The following EEFSEC variants were observed in gnomAD, a reference collection of about 807,000 sequenced individuals.
EEFSEC encodes the protein selenocysteine-specific elongation factor.
In EEFSEC, 43 loss-of-function variants were observed where a neutral mutation model predicts 42.1. The ratio of observed to expected loss-of-function variants is 1.02; its 90% CI spans 0.80 to 1.32. The LOEUF (loss-of-function observed/expected upper bound fraction) is 1.32. Among genes scored for constraint, EEFSEC ranks in the 40% most tolerant of loss-of-function variants. The pLI, the probability that EEFSEC is intolerant of heterozygous loss-of-function variation, is 0.00. For synonymous variants in EEFSEC, 354 were observed against 339.1 expected, an observed-to-expected ratio of 1.04 and a Z score of -0.48; for missense variants, 745 against 803.6, an observed-to-expected ratio of 0.93 and a Z score of 0.88.
chr3:128,388,416 C>A (rs926270855), intron 6 of EEFSEC, among the ~76,000 whole-genome samples: 1 of 152,228 alleles, frequency 6.6e-6, no homozygotes, highest in Non-Finnish European at 1.5e-5. Context: ...GAACAGGGAA[C>A]AATCTGCCTG....
At chr3:128,372,017 C>A (rs2067660013) in intron 6 of EEFSEC, among the ~76,000 whole-genome samples, 1 of 152,194 alleles carries the variant, frequency 6.6e-6, no homozygotes, top group African/African-American at 2.4e-5. Flanking sequence ...TGCAACTTTT[C>A]TTTGGGAACT....
chr3:128,281,827 C>G (rs983950935), intron 4 of EEFSEC, among the ~76,000 whole-genome samples: 1 of 152,202 alleles, frequency 6.6e-6, no homozygotes, highest in Non-Finnish European at 1.5e-5. Flanking sequence ...GGCCTGGCGA[C>G]TTGCACTCTC....
chr3:128,390,274 GCT>G (rs2067892548), intron 6 of EEFSEC, among the ~76,000 whole-genome samples: 1 of 152,198 alleles, frequency 6.6e-6, no homozygotes, highest in Non-Finnish European at 1.5e-5. Flanking sequence ...TCACCTGTCC[GCT>G]CTGTTAATGT....
intron 2 of EEFSEC, 27 bp downstream of exon 2, chr3:128,247,070 C>T: frequency 1.2e-6 from 2 of 1,610,574 alleles, no homozygotes; most frequent in East Asian, 4.5e-5. Flanking sequence ...GAGCAATGTT[C>T]ACTGCATAAG....
intron 1 of EEFSEC, among the ~76,000 whole-genome samples, chr3:128,166,845 C>A (rs1376302113): frequency 6.6e-6 from 1 of 152,090 alleles, no homozygotes; most frequent in Admixed American, 6.5e-5. Context: ...TGAAGACAGG[C>A]TTCTGCTAGT....
downstream of EEFSEC, among the ~76,000 whole-genome samples, chr3:128,411,946 A>G (rs1352640693): frequency 1.3e-5 from 2 of 152,216 alleles, no homozygotes; most frequent in Non-Finnish European, 2.9e-5. Context: ...ATCTGTGCAC[A>G]TGGATCCGCG....
At chr3:128,359,849 C>T (rs1247016620) in intron 6 of EEFSEC, among the ~76,000 whole-genome samples, 1 of 152,088 alleles carries the variant, frequency 6.6e-6, no homozygotes, top group Admixed American at 6.5e-5. Flanking sequence ...AAGGTGGTGC[C>T]CTGGCTCCAG....
intron 6 of EEFSEC, among the ~76,000 whole-genome samples, chr3:128,372,011 A>C (rs564384548): frequency 6.6e-6 from 1 of 152,212 alleles, no homozygotes; most frequent in African/African-American, 2.4e-5. Context: ...AGTGAATGCA[A>C]CTTTTCTTTG....
chr3:128,423,645 C>T, the EEFSEC span, among the ~76,000 whole-genome samples: 2 of 152,188 alleles, frequency 1.3e-5, no homozygotes, highest in Admixed American at 1.3e-4. Flanking sequence ...CCTATAGATG[C>T]AGAAAGTAGA....
chr3:128,396,451 C>T (rs542200903), intron 6 of EEFSEC, among the ~76,000 whole-genome samples: 1 of 152,282 alleles, frequency 6.6e-6, no homozygotes, highest in East Asian at 1.9e-4. Flanking sequence ...AGTTGAGGCA[C>T]AGAAAGCACT....
intron 1 of EEFSEC, among the ~76,000 whole-genome samples, chr3:128,202,708 G>A (rs2065655644): frequency 6.6e-6 from 1 of 152,158 alleles, no homozygotes; most frequent in African/African-American, 2.4e-5. Context: ...GAAGTGGTGA[G>A]AGTGGACATC....
intron 4 of EEFSEC, among the ~76,000 whole-genome samples, chr3:128,319,596 G>A (rs891503792): frequency 4.6e-5 from 7 of 152,318 alleles, no homozygotes; most frequent in Non-Finnish European, 5.9e-5. Context: ...ATTGCCCATC[G>A]CCTTCTGCCT....
rs1241807419 is a variant in EEFSEC at position 128,408,298 on chromosome 3, C to G, written c.*39C>G. 2.6e-6 allele frequency: 4 copies of G among 1,512,792 alleles called. No homozygotes were observed. The highest frequency in any genetic ancestry group is 1.4e-5 in the African/African-American group (1 of 71,336). 93.7% of individuals were successfully genotyped at this position (1,512,792 alleles called of 1,614,324 possible). Reference sequence around the variant, plus strand: ...TCCCCCAGGGCCTCCTTGCCCAGCCCAGTCCAGGCTGCTGTGCCAAATCCC... The same window carrying G: ...TCCCCCAGGGCCTCCTTGCCCAGCCGAGTCCAGGCTGCTGTGCCAAATCCC... On this transcript the variant is annotated 3_prime_UTR_variant, in exon 7 of 7. Transcript: ENST00000254730.
chr3:128,341,373 G>A lies in EEFSEC; in HGVS notation c.927G>A (p.Leu309=). The change falls in exon 5 of 7, where the codon CTG becomes CTA. Residue 309 remains leucine (L), a synonymous_variant. Coordinates refer to ENST00000254730, the MANE Select transcript of EEFSEC (RefSeq NM_021937.5). ...ERGLVCAPES[L]HTVHAALISV... Reference sequence around the variant, plus strand: ...GGTTGGTGTGTGCCCCCGAGTCCCTGCACACTGTCCATGCGGCCCTCATCT... The same window carrying A: ...GGTTGGTGTGTGCCCCCGAGTCCCTACACACTGTCCATGCGGCCCTCATCT... The A allele has an allele frequency of 2.5e-6, 4 of 1,614,130 alleles. No individual in the cohort carries two copies. The highest frequency in any genetic ancestry group is 3.4e-6 in the Non-Finnish European group (4 of 1,180,034).
At chr3:128,357,624 G>A (rs1053291735) in intron 5 of EEFSEC, among the ~76,000 whole-genome samples, 7 of 152,188 alleles carry the variant, frequency 4.6e-5, no homozygotes, top group Non-Finnish European at 1.0e-4. Context: ...TGTGTGCAGC[G>A]GGTGGGAGAC....
At chr3:128,239,478 G>A (rs918916951) in intron 1 of EEFSEC, among the ~76,000 whole-genome samples, 2 of 152,182 alleles carry the variant, frequency 1.3e-5, no homozygotes, top group African/African-American at 2.4e-5. Context: ...AGGTCAAGAG[G>A]TGTACTTGCC....
At chr3:128,418,729 T>TGCCCTGACTCTGCCTAGC in the EEFSEC span, among the ~76,000 whole-genome samples, 1 of 151,916 alleles carries the variant, frequency 6.6e-6, no homozygotes, top group Non-Finnish European at 1.5e-5. Context: ...GTGGCCGGGG[T>TGCCCTGACTCTGCCTAGC]GCCCTGACTC....
intron 1 of EEFSEC, among the ~76,000 whole-genome samples, chr3:128,231,752 T>C (rs1164980038): frequency 1.3e-5 from 2 of 152,038 alleles, no homozygotes; most frequent in African/African-American, 4.8e-5. Flanking sequence ...GGCCTGTTGT[T>C]CCTGGTTGGT....
intron 1 of EEFSEC, among the ~76,000 whole-genome samples, chr3:128,229,566 A>G (rs2065939836): frequency 6.6e-6 from 1 of 152,206 alleles, no homozygotes; most frequent in South Asian, 2.1e-4. Context: ...TACAGGCCTA[A>G]AAGGCTAGAT....
Sources: gnomAD v4.1 joint callset for allele counts (sites outside exome capture counted in the v4.1 genomes callset) on GRCh38, gnomAD v4.1.1 for gene constraint, MANE v1.5 for transcripts, NCBI Gene and HGNC (gene_info 2026-07-23, HGNC 2026-07-21) for gene names.